Variants in DENND1A observed in about 807,000 individuals in gnomAD.
DENND1A encodes the protein DENN domain-containing protein 1A.
Under a neutral mutation model 113.7 loss-of-function variants are expected in DENND1A, and 51 were observed. The observed-to-expected ratio is 0.45, with a 90% CI of 0.36 to 0.57. The LOEUF (loss-of-function observed/expected upper bound fraction) is 0.57. Among genes scored for constraint, DENND1A ranks in the 20% least tolerant of loss-of-function variants. The probability of loss-of-function intolerance (pLI) is 0.00; values close to 1 mark genes in which losing one functional copy is unlikely to be tolerated. For synonymous variants in DENND1A, 565 were observed against 570.8 expected (o/e 0.99, Z 0.14); for missense variants, 1,258 against 1,395.9 (o/e 0.90, Z 1.57).
chr9:123,489,130 C>T (rs1001812152), intron 13 of DENND1A, among the ~76,000 whole-genome samples: 1 of 152,108 alleles, frequency 6.6e-6, no homozygotes, highest in Non-Finnish European at 1.5e-5. Context: ...CAGCTGCAGG[C>T]GAGAACCAAA....
At chr9:123,436,404 T>G (rs1481486859) in intron 19 of DENND1A, among the ~76,000 whole-genome samples, 1 of 152,252 alleles carries the variant, frequency 6.6e-6, no homozygotes, top group Non-Finnish European at 1.5e-5. Context: ...GTGAAGTGTT[T>G]GCAACATTTG....
chr9:123,726,385 G>C (rs1188302003), intron 5 of DENND1A, among the ~76,000 whole-genome samples: 2 of 152,188 alleles, frequency 1.3e-5, no homozygotes, highest in Admixed American at 6.5e-5. Flanking sequence ...TATGAATCCA[G>C]ATTCTTCCAC....
chr9:123,928,692 G>A (rs1857520345), intron 1 of DENND1A: 1 of 985,242 alleles, frequency 1.0e-6, no homozygotes, highest in East Asian at 1.1e-4. Flanking sequence ...ACCACACGGG[G>A]GACTGCAAGG....
intron 2 of DENND1A, among the ~76,000 whole-genome samples, chr9:123,807,213 T>G (rs1835738640): frequency 6.6e-6 from 1 of 152,236 alleles, no homozygotes; most frequent in Non-Finnish European, 1.5e-5. Context: ...TGATTTTTTT[T>G]GGCCTTATAT....
intron 18 of DENND1A, among the ~76,000 whole-genome samples, chr9:123,449,838 CG>C (rs1303483196): frequency 1.3e-5 from 2 of 151,996 alleles, no homozygotes; most frequent in East Asian, 3.9e-4. Flanking sequence ...TTTGCGGACT[CG>C]GGGAAAGGCT....
At chr9:123,437,981 G>C (rs1034161186) in intron 19 of DENND1A, 3 of 152,202 alleles carry the variant, frequency 2.0e-5, no homozygotes, top group African/African-American at 7.2e-5. Context: ...TGGCATCTCT[G>C]AAGATGAGGC....
chr9:123,567,044 C>T (rs2058093680), intron 12 of DENND1A, among the ~76,000 whole-genome samples: 2 of 151,996 alleles, frequency 1.3e-5, no homozygotes, highest in South Asian at 4.1e-4. Flanking sequence ...ATTAGGTGGT[C>T]ATTCCATAAA....
At chr9:123,550,785 T>G (rs1237354349) in intron 13 of DENND1A, among the ~76,000 whole-genome samples, 1 of 152,228 alleles carries the variant, frequency 6.6e-6, no homozygotes, top group Admixed American at 6.5e-5. Context: ...GGAGGAATAT[T>G]CAAGGCAAAT....
chr9:123,926,762 A>G (rs1857178403), intron 1 of DENND1A, among the ~76,000 whole-genome samples: 1 of 152,090 alleles, frequency 6.6e-6, no homozygotes, highest in Non-Finnish European at 1.5e-5. Context: ...GCGTTCCATG[A>G]ACTCTTCTCA....
chr9:123,552,037 GAC>G lies in DENND1A; in HGVS notation c.993+5531_993+5532del, dbSNP rs1259630809. On this transcript the variant is annotated intron_variant, in intron 13 of 23. Transcript: ENST00000394215. ...CGAGAGCGAGAGAGAGAGAGAGAGAGACAGAGAGAGAGAGAGAGAGAGAGAGA... is the reference window on the plus strand; with the variant it reads ...CGAGAGCGAGAGAGAGAGAGAGAGAGAGAGAGAGAGAGAGAGAGAGAGAGA... Among the ~76,000 whole-genome samples, 54 of 95,128 alleles carry G rather than the reference GAC, an allele frequency of 5.7e-4. 2 individuals are homozygous for G. Among genetic ancestry groups the G allele is most frequent in the South Asian group, 5.5e-3 (18 of 3,258 alleles). The allele number at this position is 95,128 out of a possible 152,430, so 62.4% of individuals were successfully genotyped here.
chr9:123,865,306 T>C (rs754457252), intron 2 of DENND1A, among the ~76,000 whole-genome samples: 36 of 152,212 alleles, frequency 2.4e-4, no homozygotes, highest in South Asian at 6.2e-4. Flanking sequence ...GTCAACTCAA[T>C]TTCCATTCAG....
chr9:123,880,200 A>G (rs181999128), intron 1 of DENND1A, among the ~76,000 whole-genome samples: 1 of 152,174 alleles, frequency 6.6e-6, no homozygotes, highest in East Asian at 1.9e-4. Flanking sequence ...TTTAGTAGAG[A>G]TGGGGTTTCA....
At chr9:123,836,242 G>A (rs543799151) in intron 2 of DENND1A, among the ~76,000 whole-genome samples, 25 of 152,060 alleles carry the variant, frequency 1.6e-4, no homozygotes, top group Non-Finnish European at 2.6e-4. Context: ...AAGGTTTCAC[G>A]ACACTCTCAC....
At chr9:123,436,534 G>A (rs929825337) in intron 19 of DENND1A, among the ~76,000 whole-genome samples, 4 of 152,156 alleles carry the variant, frequency 2.6e-5, no homozygotes, top group African/African-American at 9.7e-5. Flanking sequence ...TTGAGAAGGG[G>A]AAAACAGTAA....
chr9:123,457,888 T>C lies in DENND1A; in HGVS notation c.1003A>G (p.Ile335Val). 4 of 1,610,580 alleles carry C rather than the reference T, an allele frequency of 2.5e-6. No homozygotes were observed. Among genetic ancestry groups the C allele is most frequent in the Non-Finnish European group, 3.4e-6 (4 of 1,178,480 alleles). Residue 335 changes from isoleucine to valine, a missense_variant, in exon 14 of 24, where the codon ATC becomes GTC. Physicochemically the swap from Ile to Val is conservative, Grantham distance 29. Transcript: ENST00000394215. The part of the protein sequence containing the change: ...NALKIEPEEP[I>V]TFCEEAFVSH... Reference sequence around the variant, plus strand: ...ACGAAGGCTTCCTCACAGAAAGTGATCGGCTCCTCCTGGGAAGTGCAGAGG... The same window carrying C: ...ACGAAGGCTTCCTCACAGAAAGTGACCGGCTCCTCCTGGGAAGTGCAGAGG...
intron 13 of DENND1A, among the ~76,000 whole-genome samples, chr9:123,530,986 G>A (rs918500856): frequency 3.9e-5 from 6 of 152,098 alleles, no homozygotes; most frequent in African/African-American, 1.4e-4. Context: ...TGAAGTCATG[G>A]AAAGTGAAAC....
intron 10 of DENND1A, among the ~76,000 whole-genome samples, chr9:123,613,031 G>T (rs2060484818): frequency 6.6e-6 from 1 of 152,118 alleles, no homozygotes; most frequent in South Asian, 2.1e-4. Context: ...CTGGTAAACT[G>T]CTGGTAAGAA....
At chr9:123,707,032 G>A (rs2066262361) in intron 5 of DENND1A, among the ~76,000 whole-genome samples, 1 of 152,180 alleles carries the variant, frequency 6.6e-6, no homozygotes, top group Admixed American at 6.5e-5. Flanking sequence ...AATTCTGGGA[G>A]TTGTCAGAAG....
intron 19 of DENND1A, among the ~76,000 whole-genome samples, chr9:123,416,130 T>C (rs2044708414): frequency 1.3e-5 from 2 of 152,164 alleles, no homozygotes; most frequent in Non-Finnish European, 2.9e-5. Flanking sequence ...ACGGCAGAGC[T>C]GGCCAGGACT....
Sources: allele counts gnomAD v4.1 joint callset (sites outside exome capture counted in the v4.1 genomes callset), GRCh38; gene constraint gnomAD v4.1.1; transcripts MANE v1.5; gene names NCBI Gene and HGNC (gene_info 2026-07-23, HGNC 2026-07-21).